Variants in CFDP1 observed in about 807,000 individuals in gnomAD.
CFDP1 encodes heterochromatin-stabilizing protein CFDP1.
In CFDP1, 31 loss-of-function variants were observed where a neutral mutation model predicts 40.1. The ratio of observed to expected loss-of-function variants is 0.77; its 90% CI spans 0.58 to 1.04. CFDP1 has a LOEUF of 1.04. Ranked by LOEUF, CFDP1 falls within the 50% of genes least tolerant of loss-of-function variation. The pLI is 0.00. For synonymous variants in CFDP1, 167 were observed against 120.0 expected, an observed-to-expected ratio of 1.39 and a Z score of -2.56; for missense variants, 423 against 343.4, an observed-to-expected ratio of 1.23 and a Z score of -1.83.
rs577383353 is a variant in CFDP1 at position 75,298,515 on chromosome 16, A to G, written c.810-4473T>C. Among the ~76,000 whole-genome samples, 10 of 152,362 alleles carry G rather than the reference A, an allele frequency of 6.6e-5. No individual in the cohort carries two copies. The South Asian group carries it at 2.1e-3, about 32-fold the overall frequency. ...GACAAAGCCAGCATTCTGTTCCCCA[A>G]GTGAGCATTCAAGGCAGCACAGACA... On this transcript the variant is annotated intron_variant, in intron 6 of 6. Coordinates refer to ENST00000283882, the MANE Select transcript of CFDP1 (RefSeq NM_006324.3).
In CFDP1 at chr16:75,411,872, T is replaced by C. The variant is rs766877991; in HGVS notation, c.483A>G (p.Glu161=). The C allele has an allele frequency of 1.9e-6, 3 of 1,612,734 alleles. No individual in the cohort carries two copies. Among genetic ancestry groups the C allele is most frequent in the Admixed American group, 3.3e-5 (2 of 59,792 alleles). The change falls in exon 4 of 7, where the codon GAA becomes GAG. Residue 161 remains glutamate (E), a synonymous_variant. Transcript: ENST00000283882. ...CAAACACCTTGGTGATTTTAACTTT[T>C]TCTGTTTCTTTAGGTTTCTCTAGCT... ...AEELEKPKET[E]KVKITKVFDF...
chr16:75,316,166 G>C (rs896918293), intron 5 of CFDP1, among the ~76,000 whole-genome samples: 1 of 152,196 alleles, frequency 6.6e-6, no homozygotes, highest in Non-Finnish European at 1.5e-5. Context: ...AGAGGCACTA[G>C]TGTCAGGTCA....
At chr16:75,300,828 G>T (rs2078216825) in intron 6 of CFDP1, among the ~76,000 whole-genome samples, 1 of 151,946 alleles carries the variant, frequency 6.6e-6, no homozygotes, top group Non-Finnish European at 1.5e-5. Flanking sequence ...AATGGTAGCT[G>T]CAACTTGCAA....
intron 1 of CFDP1, among the ~76,000 whole-genome samples, chr16:75,418,047 A>G (rs1479195754): frequency 6.6e-6 from 1 of 151,990 alleles, no homozygotes; most frequent in Non-Finnish European, 1.5e-5. Context: ...TGAGGCCAGG[A>G]GTTCGAGACC....
In CFDP1 at chr16:75,297,146, T is replaced by TGTGTGTGTGTGTGTGTGTGTGTG. The variant is rs1491503380; in HGVS notation, c.810-3105_810-3104insCACACACACACACACACACACAC. Among the ~76,000 whole-genome samples, 90 of 133,082 alleles carry TGTGTGTGTGTGTGTGTGTGTGTG rather than the reference T, an allele frequency of 6.8e-4. 6 individuals carry two copies. Among genetic ancestry groups the TGTGTGTGTGTGTGTGTGTGTGTG allele is most frequent in the East Asian group, 2.0e-3 (9 of 4,516 alleles). 87.3% of individuals were successfully genotyped at this position (133,082 alleles called of 152,430 possible). On this transcript the variant is annotated intron_variant, in intron 6 of 6. Transcript: ENST00000283882. ...GCTTGGGGTTCTTGCTTCCCATTTC[T>TGTGTGTGTGTGTGTGTGTGTGTG]TGTGTGTGTGTGTGTGTGTCTGTGT...
In CFDP1 at chr16:75,293,875, C is replaced by A; in HGVS notation, c.*77G>T. 1 of 1,212,240 alleles carries A rather than the reference C, an allele frequency of 8.2e-7. No individual in the cohort carries two copies. The highest frequency in any genetic ancestry group is 1.2e-6 in the Non-Finnish European group (1 of 827,318). 75.1% of individuals were successfully genotyped at this position (1,212,240 alleles called of 1,614,324 possible). A position where few individuals can be genotyped will look rare whatever the true frequency, so the allele number is the denominator to read the frequency against. ...GCTGGGAAACAGATGATGAGAAACA[C>A]TGTAAAACATTTCACAGACGCACAA... On this transcript the variant is annotated 3_prime_UTR_variant, in exon 7 of 7. Transcript: ENST00000283882.
intron 5 of CFDP1, among the ~76,000 whole-genome samples, chr16:75,353,129 T>A (rs752504365): frequency 4.6e-5 from 7 of 152,082 alleles, no homozygotes; most frequent in Admixed American, 6.6e-5. Context: ...GGAATAGAAA[T>A]CTGATGATTA....
intron 5 of CFDP1, among the ~76,000 whole-genome samples, chr16:75,365,792 A>G (rs2078709512): frequency 6.6e-6 from 1 of 152,212 alleles, no homozygotes; most frequent in East Asian, 1.9e-4. Context: ...TAAGTACATG[A>G]AAAGATACTC....
rs2079358115 is a variant in CFDP1 at position 75,427,815 on chromosome 16, G to C, written c.64+5474C>G. 1.3e-5 allele frequency among the ~76,000 whole-genome samples: 2 copies of C among 152,168 alleles called. 1 individual carries two copies. The highest frequency in any genetic ancestry group is 3.8e-4 in the East Asian group (2 of 5,200). On this transcript the variant is annotated intron_variant, in intron 1 of 6. Transcript: ENST00000283882. Reference sequence around the variant, plus strand: ...TAAATATTTATAAACAGCTTTATTTGTAATCATAAAAAATTGGAAACAACC... The same window carrying C: ...TAAATATTTATAAACAGCTTTATTTCTAATCATAAAAAATTGGAAACAACC...
chr16:75,378,989 A>G (rs571842571), intron 5 of CFDP1, among the ~76,000 whole-genome samples: 1 of 152,246 alleles, frequency 6.6e-6, no homozygotes, highest in East Asian at 1.9e-4. Context: ...ATACACTTCT[A>G]AATAATGCAT....
chr16:75,386,303 T>A (rs2078897385), intron 5 of CFDP1, among the ~76,000 whole-genome samples: 1 of 152,230 alleles, frequency 6.6e-6, no homozygotes, highest in Non-Finnish European at 1.5e-5. Flanking sequence ...AGAATTTATT[T>A]AACTCCAGGC....
At chr16:75,340,227 C>T (rs571472196) in intron 5 of CFDP1, among the ~76,000 whole-genome samples, 68 of 152,254 alleles carry the variant, frequency 4.5e-4, no homozygotes, top group African/African-American at 1.4e-3. Context: ...ACAGAGGTAT[C>T]GACAACAACC....
At chr16:75,426,847 G>A (rs1286659635) in intron 1 of CFDP1, among the ~76,000 whole-genome samples, 2 of 152,086 alleles carry the variant, frequency 1.3e-5, no homozygotes, top group Non-Finnish European at 1.5e-5. Context: ...TTGAGGTTGG[G>A]AGTTGGAGAC....
chr16:75,305,545 C>G (rs796415531), intron 5 of CFDP1: 8 of 209,560 alleles, frequency 3.8e-5, no homozygotes, highest in African/African-American at 1.8e-4. Context: ...AACTGTGTGA[C>G]TCTAGGCCAG....
chr16:75,407,967 C>T (rs1251610308), intron 4 of CFDP1, among the ~76,000 whole-genome samples: 3 of 151,858 alleles, frequency 2.0e-5, no homozygotes, highest in Non-Finnish European at 2.9e-5. Context: ...ATTAGCCAAG[C>T]GTGGTGTATG....
Position 75,398,882 on chromosome 16 carries a change from G to A in CFDP1, c.531-3673C>T, listed in dbSNP as rs969107253. ...ACCCTGGCTAACACGGTGAAACCCC[G>A]TCTCTACTAAAAAATACAAAAAAAA... On this transcript the variant is annotated intron_variant, in intron 4 of 6. Transcript: ENST00000283882. Among the ~76,000 whole-genome samples the A allele has an allele frequency of 5.3e-5, 8 of 151,788 alleles. 1 individual carries two copies. Among genetic ancestry groups the A allele is most frequent in the South Asian group, 4.2e-4 (2 of 4,812 alleles).
intron 1 of CFDP1, among the ~76,000 whole-genome samples, chr16:75,422,730 A>C (rs918092447): frequency 1.3e-4 from 19 of 151,894 alleles, no homozygotes; most frequent in African/African-American, 3.4e-4. Flanking sequence ...CAAAAAAAAA[A>C]CACGTTTTTA....
intron 5 of CFDP1, among the ~76,000 whole-genome samples, chr16:75,307,285 G>T (rs181404835): frequency 6.6e-6 from 1 of 151,724 alleles, no homozygotes; most frequent in Admixed American, 6.6e-5. Context: ...GCGTGATCTC[G>T]GCTCACTGCA....
chr16:75,371,752 A>G (rs968319488), intron 5 of CFDP1, among the ~76,000 whole-genome samples: 1 of 152,190 alleles, frequency 6.6e-6, no homozygotes, highest in Non-Finnish European at 1.5e-5. Context: ...TTCTCCTCCA[A>G]CTCAAAGGTT....
Sources: allele counts gnomAD v4.1 joint callset (sites outside exome capture counted in the v4.1 genomes callset), GRCh38; gene constraint gnomAD v4.1.1; transcripts MANE v1.5; gene names NCBI Gene and HGNC (gene_info 2026-07-23, HGNC 2026-07-21).